Variants in LEMD1 observed in about 807,000 individuals in gnomAD.
The protein encoded by LEMD1 is LEM domain-containing protein 1.
LEMD1 carries 18 observed loss-of-function variants against 17.4 expected under a neutral mutation model. The ratio of observed to expected loss-of-function variants is 1.04; its 90% CI spans 0.72 to 1.54. The LOEUF (loss-of-function observed/expected upper bound fraction) is 1.54, where lower values mean the gene tolerates loss of function less well. Ranked by LOEUF, LEMD1 falls within the 40% of genes most tolerant of loss-of-function variation. The pLI is 0.00. For synonymous variants in LEMD1, 88 were observed against 77.8 expected (o/e 1.13, Z -0.69); for missense variants, 195 against 210.4 (o/e 0.93, Z 0.45).
chr1:205,434,385 A>C (rs550277203), intron 1 of LEMD1, among the ~76,000 whole-genome samples: 2 of 149,930 alleles, frequency 1.3e-5, no homozygotes, highest in Non-Finnish European at 3.0e-5. Flanking sequence ...TATTTAGTAG[A>C]GACGAAGTCT....
At chr1:205,432,227 AGT>A (rs1666134638) in intron 1 of LEMD1, among the ~76,000 whole-genome samples, 2 of 152,200 alleles carry the variant, frequency 1.3e-5, no homozygotes, top group Admixed American at 6.5e-5. Context: ...GACAAGCATA[AGT>A]GTGTGTAGAC....
intron 4 of LEMD1, among the ~76,000 whole-genome samples, chr1:205,403,214 A>G (rs1020205222): frequency 4.6e-5 from 7 of 152,358 alleles, no homozygotes; most frequent in African/African-American, 1.2e-4. Flanking sequence ...TACTGGCCTC[A>G]TAAAATGAGT....
At chr1:205,410,191 A>G (rs1476875403) in intron 4 of LEMD1, among the ~76,000 whole-genome samples, 1 of 152,118 alleles carries the variant, frequency 6.6e-6, no homozygotes, top group South Asian at 2.1e-4. Context: ...CAAAGTGCCA[A>G]TATTACAAGC....
chr1:205,400,703 T>A (rs190947380), intron 4 of LEMD1, among the ~76,000 whole-genome samples: 25 of 152,302 alleles, frequency 1.6e-4, no homozygotes, highest in East Asian at 1.2e-3. Context: ...TTTCCTTTTT[T>A]AAATTATTAT....
chr1:205,420,661 C>G (rs1351729848), intron 1 of LEMD1, 87 bp from the exon 2 acceptor site: 1 of 732,398 alleles, frequency 1.4e-6, no homozygotes, highest in African/African-American at 1.8e-5. Context: ...GTTTATAATC[C>G]TATCTCCCCA....
intron 1 of LEMD1, among the ~76,000 whole-genome samples, chr1:205,434,624 C>T (rs761562643): frequency 1.3e-5 from 2 of 152,052 alleles, no homozygotes; most frequent in Non-Finnish European, 2.9e-5. Context: ...TGAGGCCTGG[C>T]TTCCTTCAGT....
chr1:205,423,213 C>T (rs1462383952), upstream of LEMD1, among the ~76,000 whole-genome samples: 1 of 152,184 alleles, frequency 6.6e-6, no homozygotes, highest in Non-Finnish European at 1.5e-5. Context: ...CAGGCTGTGG[C>T]TCCAAGGGCT....
upstream of LEMD1, among the ~76,000 whole-genome samples, chr1:205,425,785 A>G (rs73070647): frequency 0.013 from 2,037 of 152,336 alleles, 34 homozygotes; most frequent in African/African-American, 0.043. Flanking sequence ...ACAAAGGGGA[A>G]AATGCTGCCT....
chr1:205,426,345 A>G (rs527909470), upstream of LEMD1, among the ~76,000 whole-genome samples: 3 of 152,374 alleles, frequency 2.0e-5, no homozygotes, highest in East Asian at 5.8e-4. Flanking sequence ...TAGTTCTTCA[A>G]ACGGATTACA....
At chr1:205,442,766 T>C (rs1666317042) in intron 1 of LEMD1, among the ~76,000 whole-genome samples, 1 of 152,132 alleles carries the variant, frequency 6.6e-6, no homozygotes, top group African/African-American at 2.4e-5. Flanking sequence ...AGGATATATA[T>C]AGAGCCAAGA....
chr1:205,402,053 T>C (rs1664877218), intron 4 of LEMD1, among the ~76,000 whole-genome samples: 1 of 152,212 alleles, frequency 6.6e-6, no homozygotes, highest in Non-Finnish European at 1.5e-5. Flanking sequence ...TTCTGTTCCA[T>C]TGATCTATAT....
At chr1:205,443,888 A>ACAAACCT (rs1666338579) in intron 1 of LEMD1, among the ~76,000 whole-genome samples, 1 of 152,136 alleles carries the variant, frequency 6.6e-6, no homozygotes, top group Non-Finnish European at 1.5e-5. Context: ...AGCAGCAGGT[A>ACAAACCT]CCTGGGGAGT....
At chr1:205,383,510 C>A (rs1663826097) in intron 5 of LEMD1, among the ~76,000 whole-genome samples, 1 of 151,894 alleles carries the variant, frequency 6.6e-6, no homozygotes, top group African/African-American at 2.4e-5. Context: ...TTAAATTATT[C>A]TCTTCTAGCT....
At chr1:205,418,537 A>G (rs947606702) in intron 3 of LEMD1, among the ~76,000 whole-genome samples, 4 of 152,056 alleles carry the variant, frequency 2.6e-5, no homozygotes, top group Admixed American at 1.3e-4. Context: ...TTTTTTTTAG[A>G]CGGAGTCTCG....
At chr1:205,425,541 G>A (rs75601594), upstream of LEMD1, among the ~76,000 whole-genome samples, 1,957 of 152,256 alleles carry the variant, frequency 0.013, 36 homozygotes, top group African/African-American at 0.044. Context: ...CCCCTTGGGA[G>A]TTCAGTTACT....
At chr1:205,433,286 G>A (rs1266694038) in intron 1 of LEMD1, among the ~76,000 whole-genome samples, 5 of 152,054 alleles carry the variant, frequency 3.3e-5, no homozygotes, top group Admixed American at 1.3e-4. Flanking sequence ...GTGAAACCCC[G>A]TCTCTACTAA....
chr1:205,416,795 G>T (rs190299445), intron 3 of LEMD1, among the ~76,000 whole-genome samples: 1 of 152,204 alleles, frequency 6.6e-6, no homozygotes, highest in Non-Finnish European at 1.5e-5. Context: ...TAGAGGAATG[G>T]TGGAGTTGCA....
intron 1 of LEMD1, among the ~76,000 whole-genome samples, chr1:205,446,167 AT>A (rs1179901898): frequency 6.6e-6 from 1 of 152,240 alleles, no homozygotes; most frequent in African/African-American, 2.4e-5. Flanking sequence ...ATTCAATGCA[AT>A]TGAACAATCA....
chr1:205,427,303 A>G (rs554955682), intron 1 of LEMD1, among the ~76,000 whole-genome samples: 1 of 152,120 alleles, frequency 6.6e-6, no homozygotes, highest in Admixed American at 6.6e-5. Context: ...CAGTATGACA[A>G]CATGGCTCTG....
Sources: allele counts gnomAD v4.1 joint callset (sites outside exome capture counted in the v4.1 genomes callset), GRCh38; gene constraint gnomAD v4.1.1; transcripts MANE v1.5; gene names NCBI Gene and HGNC (gene_info 2026-07-23, HGNC 2026-07-21).